SCN8A: variants seen among roughly 807,000 people sequenced by gnomAD.
The protein encoded by SCN8A is sodium voltage-gated channel alpha subunit 8.
Under a neutral mutation model 184.1 loss-of-function variants are expected in SCN8A, and 30 were observed. The observed-to-expected ratio is 0.16, with a 90% confidence interval of 0.12 to 0.22. SCN8A has a LOEUF of 0.22. Among genes scored for constraint, SCN8A ranks in the 10% least tolerant of loss-of-function variants. SCN8A has a pLI of 1.00. For synonymous variants in SCN8A, 852 were observed against 907.0 expected, an observed-to-expected ratio of 0.94 and a Z score of 1.09; for missense variants, 1,057 against 2,498.9, an observed-to-expected ratio of 0.42 and a Z score of 12.30.
chr12:51,781,552 A>C (rs1344081267), intron 21 of SCN8A, among the ~76,000 whole-genome samples: 1 of 152,134 alleles, frequency 6.6e-6, no homozygotes, highest in Non-Finnish European at 1.5e-5. Flanking sequence ...AAACAATACA[A>C]GGTGTTGTCA....
At chr12:51,716,118 T>C (rs1378541134) in intron 11 of SCN8A, among the ~76,000 whole-genome samples, 1 of 152,226 alleles carries the variant, frequency 6.6e-6, no homozygotes, top group African/African-American at 2.4e-5. Flanking sequence ...AGGATTGCTT[T>C]AGCCCAGGAA....
intron 11 of SCN8A, among the ~76,000 whole-genome samples, chr12:51,720,031 G>A (rs1359839909): frequency 2.8e-5 from 4 of 141,662 alleles, no homozygotes; most frequent in East Asian, 2.2e-4. Context: ...AGCCGAGATC[G>A]CGCCACTGCA....
At chr12:51,759,315 A>G (rs915221163) in intron 14 of SCN8A, among the ~76,000 whole-genome samples, 2 of 152,092 alleles carry the variant, frequency 1.3e-5, no homozygotes, top group Non-Finnish European at 2.9e-5. Flanking sequence ...CCAACAACAC[A>G]TTATCCCTAT....
intron 1 of SCN8A, among the ~76,000 whole-genome samples, chr12:51,598,141 G>A (rs938050502): frequency 2.0e-5 from 3 of 152,150 alleles, no homozygotes; most frequent in African/African-American, 7.2e-5. Flanking sequence ...CATTTTTTAA[G>A]ATGAGTATTG....
Position 51,789,236 on chromosome 12 carries a change from C to G in SCN8A, c.4282-45C>G, listed in dbSNP as rs754498488. ...CTGATGGCCTTGGCGTGTCAAACTC[C>G]AAACTAGGAGCTGATTCTCTTCCTT... On this transcript the variant is annotated intron_variant, in intron 23 of 26. Transcript: ENST00000627620. 1.9e-6 allele frequency: 3 copies of G among 1,609,598 alleles called. No homozygotes were observed. The Admixed American group carries it at 5.1e-5, about 27-fold the overall frequency.
intron 1 of SCN8A, among the ~76,000 whole-genome samples, chr12:51,617,880 G>A (rs1008243793): frequency 1.3e-5 from 2 of 152,128 alleles, no homozygotes; most frequent in African/African-American, 4.8e-5. Context: ...CTAGTGGCCA[G>A]TTTCAGATCT....
At chr12:51,696,769 A>G (rs759141883) in intron 6 of SCN8A, among the ~76,000 whole-genome samples, 1 of 151,880 alleles carries the variant, frequency 6.6e-6, no homozygotes, top group African/African-American at 2.4e-5. Context: ...AGTGGCTCAC[A>G]CCTGTAATCC....
At chr12:51,605,272 A>G (rs1442520699) in intron 1 of SCN8A, among the ~76,000 whole-genome samples, 1 of 152,148 alleles carries the variant, frequency 6.6e-6, no homozygotes, top group Non-Finnish European at 1.5e-5. Flanking sequence ...CTTCTTCCCC[A>G]AAGTCCACTG....
intron 11 of SCN8A, among the ~76,000 whole-genome samples, chr12:51,710,584 G>A (rs1410555791): frequency 6.6e-6 from 1 of 152,164 alleles, no homozygotes; most frequent in Non-Finnish European, 1.5e-5. Context: ...GCTTGAGCAT[G>A]GGAGGTTGAA....
intron 2 of SCN8A, among the ~76,000 whole-genome samples, chr12:51,678,559 CTTATT>C (rs1220158695): frequency 6.6e-6 from 1 of 152,216 alleles, no homozygotes; most frequent in Non-Finnish European, 1.5e-5. Context: ...AGCCCTCTCT[CTTATT>C]TTATAGACGA....
At chr12:51,772,621 T>C (rs373168690) in intron 19 of SCN8A, among the ~76,000 whole-genome samples, 10 of 151,362 alleles carry the variant, frequency 6.6e-5, no homozygotes, top group African/African-American at 2.4e-4. Context: ...GCAAAGGGGA[T>C]TTATTTGCAC....
chr12:51,790,675 C>A (rs1472500993), intron 25 of SCN8A, among the ~76,000 whole-genome samples, 173 bp downstream of exon 25: 1 of 152,164 alleles, frequency 6.6e-6, no homozygotes, highest in African/African-American at 2.4e-5. Context: ...GGGATTAAGG[C>A]ATGGGGGCTT....
chr12:51,611,576 C>T (rs1437218925), intron 1 of SCN8A, among the ~76,000 whole-genome samples: 7 of 152,112 alleles, frequency 4.6e-5, no homozygotes, highest in Non-Finnish European at 1.5e-5. Context: ...CGGCTCACTG[C>T]AACCTCTGCC....
rs796053208 is a variant in SCN8A, at chr12:51,786,598, G to A, written c.3999G>A (p.Val1333=). Residue 1333 remains valine (V), a synonymous_variant, in exon 22 of 27, where the codon GTG becomes GTA. Coordinates refer to ENST00000627620, the MANE Select transcript of SCN8A (RefSeq NM_001330260.2). ...CCTCCATCATGAATGTGCTGCTGGT[G>A]TGTCTCATCTTCTGGCTGATTTTCA... ...AIPSIMNVLL[V]CLIFWLIFSI... The A allele has an allele frequency of 4.3e-6, 7 of 1,614,082 alleles. No individual in the cohort carries two copies. Among genetic ancestry groups the A allele is most frequent in the Non-Finnish European group, 5.1e-6 (6 of 1,180,042 alleles).
intron 1 of SCN8A, among the ~76,000 whole-genome samples, chr12:51,614,193 G>T (rs560938285): frequency 1.3e-5 from 2 of 151,944 alleles, no homozygotes; most frequent in Admixed American, 1.3e-4. Context: ...TTTGTCCATC[G>T]ACTATACTTG....
chr12:51,663,277 A>G (rs1260842862), intron 2 of SCN8A, among the ~76,000 whole-genome samples, 184 bp downstream of exon 2: 1 of 152,152 alleles, frequency 6.6e-6, no homozygotes, highest in Non-Finnish European at 1.5e-5. Flanking sequence ...TGGTCTTGGC[A>G]CTCATCAACT....
intron 6 of SCN8A, among the ~76,000 whole-genome samples, chr12:51,697,054 T>A (rs1905246): frequency 0.91 from 130,986 of 144,468 alleles, 59,483 homozygotes; most frequent in East Asian, 1. Flanking sequence ...AAAAAAAAAA[T>A]GAAAAAGAAA....
chr12:51,747,089 ATGTGTGTGTGTGTG>A (rs60490453), intron 13 of SCN8A, among the ~76,000 whole-genome samples: 4 of 81,242 alleles, frequency 4.9e-5, no homozygotes, highest in East Asian at 4.0e-4. Context: ...CTCTGTGTGT[ATGTGTGTGTGTGTG>A]TGTGTGTGTG....
At position 51,628,865 on chromosome 12, in the gene SCN8A, C is replaced by T. The variant is rs151095685; in HGVS notation, c.-54-33899C>T. The stretch of plus-strand genomic sequence containing the variant: ...AGTGCTAGTCTGGATAATATTTTTA[C>T]GGATGAGCTGGGCAACATGATGTAG... On this transcript the variant is annotated intron_variant, in intron 1 of 26. Coordinates refer to ENST00000627620, the MANE Select transcript of SCN8A (RefSeq NM_001330260.2). Among the ~76,000 whole-genome samples, 556 of 152,244 alleles carry T rather than the reference C, an allele frequency of 3.7e-3. 7 individuals are homozygous for T. The highest frequency in any genetic ancestry group is 0.013 in the African/African-American group (526 of 41,550).
Sources: allele counts gnomAD v4.1 joint callset (sites outside exome capture counted in the v4.1 genomes callset), GRCh38; gene constraint gnomAD v4.1.1; transcripts MANE v1.5; gene names NCBI Gene and HGNC (gene_info 2026-07-23, HGNC 2026-07-21).